INPP1: variants seen among roughly 807,000 people sequenced by gnomAD.
The protein encoded by INPP1 is inositol polyphosphate-1-phosphatase, also known as inositol polyphosphate 1-phosphatase.
A neutral mutation model predicts 23.0 loss-of-function variants in INPP1; 18 were observed. That is an observed-to-expected ratio of 0.78 (90% confidence interval 0.54 to 1.16). The LOEUF (loss-of-function observed/expected upper bound fraction) is 1.16. INPP1 is among the 50% of genes most tolerant of loss of function. INPP1 has a pLI of 0.00. For synonymous variants in INPP1, 164 were observed against 176.3 expected (o/e 0.93, Z 0.55); for missense variants, 448 against 482.1 (o/e 0.93, Z 0.66).
chr2:190,351,727 G>T (rs1048103050), intron 2 of INPP1, among the ~76,000 whole-genome samples: 10 of 152,092 alleles, frequency 6.6e-5, no homozygotes, highest in Non-Finnish European at 1.5e-4. Context: ...ATGCTTGTTT[G>T]GGTTATTACC....
At position 190,362,918 on chromosome 2, in the gene INPP1, T is replaced by A. The variant is rs1202147643; in HGVS notation, c.265+231T>A. On this transcript the variant is annotated intron_variant, in intron 4 of 6. Transcript: ENST00000392329. The stretch of plus-strand genomic sequence containing the variant: ...GCAAGTCCATGTATCATTTTAGATA[T>A]AAATCTGTGGCATTTAAGTAACTTA... 3 of 330,462 alleles carry A rather than the reference T, an allele frequency of 9.1e-6. No individual in the cohort carries two copies. The East Asian group carries it at 1.5e-4, about 16-fold the overall frequency. The allele number at this position is 330,462 out of a possible 1,614,324, so 20.5% of individuals were successfully genotyped here.
In INPP1 at chr2:190,366,848, A is replaced by G. The variant is rs976751924; in HGVS notation, c.419A>G (p.Glu140Gly). 6.2e-7 allele frequency: 1 copy of G among 1,613,952 alleles called. No homozygotes were observed. The highest frequency in any genetic ancestry group is 8.5e-7 in the Non-Finnish European group (1 of 1,179,926). The part of the protein sequence containing the change: ...AFTDPTLDST[E>G]INVPQDILGI... Reference sequence around the variant, plus strand: ...ACTGACCCAACTCTGGATTCCACAGAGATCAATGTTCCACAGGACATTTTG... The same window carrying G: ...ACTGACCCAACTCTGGATTCCACAGGGATCAATGTTCCACAGGACATTTTG... Residue 140 changes from glutamate (E) to glycine (G), a missense_variant, in exon 5 of 7, where the codon GAG becomes GGG. Transcript: ENST00000392329.
intron 6 of INPP1, among the ~76,000 whole-genome samples, chr2:190,370,565 C>A (rs531046575): frequency 6.6e-6 from 1 of 152,266 alleles, no homozygotes; most frequent in East Asian, 1.9e-4. Flanking sequence ...GTTCTGGAAG[C>A]TGGAAACCCC....
rs116581597 is a variant in INPP1 at position 190,352,225 on chromosome 2, A to T, written c.-65+3194A>T. The stretch of plus-strand genomic sequence containing the variant: ...GAGGGAGCAGCATGTGCAAATTTAC[A>T]ATCTTCCCAGAGCAGGAGAGCAAAT... On this transcript the variant is annotated intron_variant, in intron 2 of 6. Transcript: ENST00000392329. The surrounding 1 kb of genome is among the most constrained non-coding windows in gnomAD (Gnocchi z 4.7). 2.6e-3 allele frequency among the ~76,000 whole-genome samples: 391 copies of T among 152,282 alleles called. No homozygotes were observed. Among genetic ancestry groups the T allele is most frequent in the African/African-American group, 9.0e-3 (374 of 41,550 alleles).
intron 1 of INPP1, among the ~76,000 whole-genome samples, chr2:190,347,725 A>C (rs1356589455): frequency 2.0e-5 from 3 of 151,242 alleles, no homozygotes; most frequent in African/African-American, 7.3e-5. Flanking sequence ...AAATGAGAGT[A>C]ATAATTCATA....
In INPP1 at chr2:190,366,030, GCTCT is replaced by G. The variant is rs1157445888; in HGVS notation, c.266-662_266-659del. Among the ~76,000 whole-genome samples, 10 of 66,592 alleles carry G rather than the reference GCTCT, an allele frequency of 1.5e-4. No individual in the cohort carries two copies. In the East Asian group the frequency reaches 3.0e-3, roughly 20 times the overall value. The allele number at this position is 66,592 out of a possible 152,430, so 43.7% of individuals were successfully genotyped here. Reference sequence around the variant, plus strand: ...CGCTCTGTCTCGCTCTCTCTCGCTCGCTCTCTGTCTCACTCTTTTGCTCTCTCTG... The same window carrying G: ...CGCTCTGTCTCGCTCTCTCTCGCTCGCTGTCTCACTCTTTTGCTCTCTCTG... On this transcript the variant is annotated intron_variant, in intron 4 of 6. Transcript: ENST00000392329.
rs1689572838 is a variant in INPP1 at position 190,363,462 on chromosome 2, G to A, written c.265+775G>A. On this transcript the variant is annotated intron_variant, in intron 4 of 6. Transcript: ENST00000392329. This position sits in a 1 kb window ranked among gnomAD's most constrained non-coding sequence, Gnocchi z 4.4. The stretch of plus-strand genomic sequence containing the variant: ...TTGGCCAGGCTGGTCTCAAACTCCT[G>A]ACCTCAGGTAATCTGATTTCTTTCA... Among the ~76,000 whole-genome samples, 1 of 152,082 alleles carries A rather than the reference G, an allele frequency of 6.6e-6. No individual in the cohort carries two copies. Among genetic ancestry groups the A allele is most frequent in the South Asian group, 2.1e-4 (1 of 4,822 alleles).
rs1689785895 is a variant in INPP1, at chr2:190,370,818, CA to C, written c.642-25del. 3 of 1,523,034 alleles carry C rather than the reference CA, an allele frequency of 2.0e-6. No individual in the cohort carries two copies. In the East Asian group the frequency reaches 6.8e-5, roughly 35 times the overall value. 94.3% of individuals were successfully genotyped at this position (1,523,034 alleles called of 1,614,324 possible). ...AATGAAAAACAAATGTGATAATCAT[CA>C]CCAATTGAAATTTTTCTTCTACAGG... On this transcript the variant is annotated intron_variant, in intron 6 of 6. Coordinates refer to ENST00000392329, the MANE Select transcript of INPP1 (RefSeq NM_001128928.2).
chr2:190,366,558 GCTCTCTGTGTCTCTCGCTCT>G, intron 4 of INPP1, 117 bp from the exon 5 acceptor site: 3 of 653,238 alleles, frequency 4.6e-6, no homozygotes, highest in Non-Finnish European at 5.3e-6. Flanking sequence ...GCTCTGTCTC[GCTCTCTGTGTCTCTCGCTCT>G]CTCTCTGTCT....
rs978850677 is a variant in INPP1 at position 190,367,076 on chromosome 2, T to C, written c.466+181T>C. ...GTATGTGTCATGTGTTCTGTATATA[T>C]ACATATATATTATAGCCGTGTGTAT... On this transcript the variant is annotated intron_variant, in intron 5 of 6. Coordinates refer to ENST00000392329, the MANE Select transcript of INPP1 (RefSeq NM_001128928.2). The surrounding 1 kb of genome is among the most constrained non-coding windows in gnomAD (Gnocchi z 4.1). Among the ~76,000 whole-genome samples the C allele has an allele frequency of 4.6e-5, 7 of 152,186 alleles. No individual in the cohort carries two copies. The highest frequency in any genetic ancestry group is 1.7e-4 in the African/African-American group (7 of 41,436).
At chr2:190,365,827 A>C (rs1689634163) in intron 4 of INPP1, among the ~76,000 whole-genome samples, 12 of 138,560 alleles carry the variant, frequency 8.7e-5, no homozygotes, top group South Asian at 4.9e-4. Context: ...CTCTGTCTCA[A>C]TCTTTGTCTC....
intron 2 of INPP1, among the ~76,000 whole-genome samples, chr2:190,349,902 T>C (rs1001163948): frequency 6.6e-6 from 1 of 152,250 alleles, no homozygotes; most frequent in African/African-American, 2.4e-5. Context: ...TGGAGTGCAG[T>C]GGTGTGATCT....
chr2:190,343,991 C>T, intron 1 of INPP1, 30 bp downstream of exon 1: 1 of 320,822 alleles, frequency 3.1e-6, no homozygotes, highest in South Asian at 2.4e-5. Flanking sequence ...ACGACACCCA[C>T]CACAGGGTCC....
chr2:190,360,646 C>T (rs976115926), intron 3 of INPP1, among the ~76,000 whole-genome samples: 3 of 152,126 alleles, frequency 2.0e-5, no homozygotes, highest in Admixed American at 2.0e-4. Flanking sequence ...AAAATAAGAA[C>T]CCTCTTAGTC....
In INPP1 at chr2:190,346,391, C is replaced by T. The variant is rs1407958492; in HGVS notation, c.-209+2430C>T. Among the ~76,000 whole-genome samples the T allele has an allele frequency of 1.3e-5, 2 of 152,174 alleles. No homozygotes were observed. Among genetic ancestry groups the T allele is most frequent in the Non-Finnish European group, 2.9e-5 (2 of 68,020 alleles). On this transcript the variant is annotated intron_variant, in intron 1 of 6. Coordinates refer to ENST00000392329, the MANE Select transcript of INPP1 (RefSeq NM_001128928.2). This position sits in a 1 kb window ranked among gnomAD's most constrained non-coding sequence, Gnocchi z 5.1. ...ATTTTATTAATATGATGAGGCCACT[C>T]ATTTAGGAAATCTGAAACTTTTATA...
Position 190,371,637 on chromosome 2 carries a change from G to A in INPP1, c.*235G>A, listed in dbSNP as rs1689812097. The A allele has an allele frequency of 5.3e-6, 2 of 378,448 alleles. No individual in the cohort carries two copies. The highest frequency in any genetic ancestry group is 2.1e-4 in the South Asian group (2 of 9,366). The allele number at this position is 378,448 out of a possible 1,614,324, so 23.4% of individuals were successfully genotyped here. On this transcript the variant is annotated 3_prime_UTR_variant, in exon 7 of 7. Coordinates refer to ENST00000392329, the MANE Select transcript of INPP1 (RefSeq NM_001128928.2). The surrounding 1 kb of genome is among the most constrained non-coding windows in gnomAD (Gnocchi z 5.3). ...GAATATTGTGCTGTTAGTGCTGCTT[G>A]AAACATTTCAATAAAATATTGACCA...
rs1466823906 is a variant in INPP1 at position 190,355,759 on chromosome 2, G to A, written c.-64-4280G>A. On this transcript the variant is annotated intron_variant, in intron 2 of 6. Coordinates refer to ENST00000392329, the MANE Select transcript of INPP1 (RefSeq NM_001128928.2). The surrounding 1 kb of genome is among the most constrained non-coding windows in gnomAD (Gnocchi z 5.1). ...ACAGTGTTGAAATAAAGTGGTCTTA[G>A]GTGAATGATGAGTATGTAAACTTAC... is the stretch of plus-strand genomic sequence containing the variant. Among the ~76,000 whole-genome samples the A allele has an allele frequency of 2.6e-5, 4 of 152,078 alleles. No individual in the cohort carries two copies. Among genetic ancestry groups the A allele is most frequent in the Non-Finnish European group, 5.9e-5 (4 of 68,018 alleles).
At chr2:190,360,015 T>A in intron 2 of INPP1, 24 bp from the exon 3 acceptor site, 1 of 1,375,480 alleles carries the variant, frequency 7.3e-7, no homozygotes, top group South Asian at 1.2e-5. Flanking sequence ...CTGCTTTCTC[T>A]TTCACATTCT....
rs1409369650 is a variant in INPP1 at position 190,345,355 on chromosome 2, A to T, written c.-209+1394A>T. On this transcript the variant is annotated intron_variant, in intron 1 of 6. Coordinates refer to ENST00000392329, the MANE Select transcript of INPP1 (RefSeq NM_001128928.2). This position sits in a 1 kb window ranked among gnomAD's most constrained non-coding sequence, Gnocchi z 4.9. ...TTTAAATTATAGCTTTCCTTGTTAT[A>T]GTCCTGAAAAAAATGAAAAGATAAT... 1 of 152,228 alleles carries T rather than the reference A, an allele frequency of 6.6e-6. No individual in the cohort carries two copies. The highest frequency in any genetic ancestry group is 1.5e-5 in the Non-Finnish European group (1 of 68,046). The allele number at this position is 152,228 out of a possible 1,614,324, so 9.4% of individuals were successfully genotyped here.
Sources: gnomAD v4.1 joint callset for allele counts (sites outside exome capture counted in the v4.1 genomes callset) on GRCh38, gnomAD v4.1.1 for gene constraint, Gnocchi (gnomAD v3.1) non-coding constraint, MANE v1.5 for transcripts, NCBI Gene and HGNC (gene_info 2026-07-23, HGNC 2026-07-21) for gene names.